The following TBC1D5 variants were observed in gnomAD, a reference collection of about 807,000 sequenced individuals.
TBC1D5 encodes TBC1 domain family, member 5.
TBC1D5 carries 75 observed loss-of-function variants against 100.3 expected under a neutral mutation model. The observed-to-expected ratio is 0.75, with a 90% CI of 0.62 to 0.91. The LOEUF is 0.91. TBC1D5 is among the 40% of genes least tolerant of loss of function. TBC1D5 has a pLI of 0.00. For missense variants in TBC1D5, 910 were observed against 942.4 expected, an observed-to-expected ratio of 0.97 and a Z score of 0.45; for synonymous variants, 323 against 325.6, an observed-to-expected ratio of 0.99 and a Z score of 0.09.
chr3:17,347,098 C>G (rs1169689650), intron 13 of TBC1D5, among the ~76,000 whole-genome samples: 1 of 151,986 alleles, frequency 6.6e-6, no homozygotes, highest in Non-Finnish European at 1.5e-5. Context: ...AGTTTTGTTT[C>G]TTTGGTTTAC....
chr3:17,473,957 A>C (rs2095409972), intron 3 of TBC1D5, among the ~76,000 whole-genome samples: 1 of 152,004 alleles, frequency 6.6e-6, no homozygotes, highest in African/African-American at 2.4e-5. Flanking sequence ...GTTGGAAAAA[A>C]CAGTACAGTA....
chr3:17,562,414 G>C (rs570395332), intron 2 of TBC1D5, among the ~76,000 whole-genome samples: 4 of 150,872 alleles, frequency 2.7e-5, no homozygotes, highest in African/African-American at 9.7e-5. Context: ...TTAAAAGGAA[G>C]ACAAAATTAT....
chr3:17,279,646 G>GT (rs1171709917), intron 15 of TBC1D5, among the ~76,000 whole-genome samples: 2 of 152,226 alleles, frequency 1.3e-5, no homozygotes, highest in African/African-American at 4.8e-5. Context: ...TAGGCTTCTG[G>GT]TTTTTTTAGG....
intron 15 of TBC1D5, among the ~76,000 whole-genome samples, chr3:17,280,073 T>C (rs985645080): frequency 6.6e-6 from 1 of 152,182 alleles, no homozygotes; most frequent in Non-Finnish European, 1.5e-5. Context: ...ACCCTGGAAA[T>C]ATCAGGGAAT....
chr3:17,603,940 C>T (rs975952962), intron 2 of TBC1D5, among the ~76,000 whole-genome samples: 4 of 152,064 alleles, frequency 2.6e-5, no homozygotes, highest in Non-Finnish European at 4.4e-5. Flanking sequence ...CCACCACGCC[C>T]GGCGCTATTC....
Position 17,508,473 on chromosome 3 carries a change from C to A in TBC1D5, c.97+1G>T, listed in dbSNP as rs2095867101. On this transcript the variant is annotated splice_donor_variant, in intron 3 of 21. Transcript: ENST00000253692. LOFTEE classifies it high-confidence loss of function. ...AAATAGTATTGGCATACAAAACTCACCTCCAGACTTGTTAGAGTAACTGGA... is the reference window on the plus strand; with the variant it reads ...AAATAGTATTGGCATACAAAACTCAACTCCAGACTTGTTAGAGTAACTGGA... 1.9e-6 allele frequency: 3 copies of A among 1,611,840 alleles called. No individual in the cohort carries two copies. Among genetic ancestry groups the A allele is most frequent in the African/African-American group, 2.7e-5 (2 of 74,884 alleles).
intron 13 of TBC1D5, among the ~76,000 whole-genome samples, chr3:17,329,739 C>T (rs1301286196): frequency 6.6e-6 from 1 of 152,270 alleles, no homozygotes; most frequent in East Asian, 1.9e-4. Flanking sequence ...TCCTTGGTCT[C>T]ACAGTCCCCA....
intron 1 of TBC1D5, among the ~76,000 whole-genome samples, chr3:17,651,447 G>T (rs1249702996): frequency 1.3e-5 from 2 of 152,110 alleles, no homozygotes; most frequent in Non-Finnish European, 2.9e-5. Flanking sequence ...TTAAGAGATG[G>T]TTTCAGCATC....
At chr3:17,417,244 GGTTA>G (rs1260600259) in intron 4 of TBC1D5, among the ~76,000 whole-genome samples, 2 of 151,832 alleles carry the variant, frequency 1.3e-5, no homozygotes, top group African/African-American at 4.8e-5. Context: ...ACAATGTGCA[GGTTA>G]GTTACATATA....
chr3:17,716,866 G>A (rs2075284438), intron 1 of TBC1D5, among the ~76,000 whole-genome samples: 1 of 151,748 alleles, frequency 6.6e-6, no homozygotes, highest in Non-Finnish European at 1.5e-5. Flanking sequence ...CTGAGTGTTT[G>A]TTCTTGATCA....
chr3:17,671,275 T>TG (rs2067904893), intron 1 of TBC1D5, among the ~76,000 whole-genome samples: 1 of 152,082 alleles, frequency 6.6e-6, no homozygotes, highest in Non-Finnish European at 1.5e-5. Context: ...AGTTTGAGGG[T>TG]GCTCGTGGAA....
At chr3:17,420,207 C>CA (rs1236284439) in intron 4 of TBC1D5, among the ~76,000 whole-genome samples, 305 of 128,798 alleles carry the variant, frequency 2.4e-3, no homozygotes, top group Middle Eastern at 4.0e-3. Context: ...CTCCCTTGAA[C>CA]AAAAAAAAAA....
chr3:17,406,284 A>C, intron 5 of TBC1D5, 134 bp downstream of exon 5: 1 of 703,640 alleles, frequency 1.4e-6, no homozygotes, highest in Non-Finnish European at 2.3e-6. Flanking sequence ...AAAGATAAAC[A>C]TAGATGGTCA....
At chr3:17,732,721 A>T (rs2076665529) in intron 1 of TBC1D5, among the ~76,000 whole-genome samples, 1 of 53,412 alleles carries the variant, frequency 1.9e-5, no homozygotes, top group Non-Finnish European at 3.9e-5. Flanking sequence ...CGTCTCAAAA[A>T]AATAAATAAA....
At chr3:17,660,082 A>T (rs1426162090) in intron 1 of TBC1D5, among the ~76,000 whole-genome samples, 2 of 152,182 alleles carry the variant, frequency 1.3e-5, no homozygotes, top group African/African-American at 4.8e-5. Flanking sequence ...GTGTCAGGCA[A>T]TATTTACAAT....
chr3:17,335,188 C>T (rs2087519667), intron 13 of TBC1D5, among the ~76,000 whole-genome samples: 1 of 151,990 alleles, frequency 6.6e-6, no homozygotes, highest in African/African-American at 2.4e-5. Flanking sequence ...TTATCTGACC[C>T]TAACTAACAG....
chr3:17,711,919 G>C (rs762165578), intron 1 of TBC1D5, among the ~76,000 whole-genome samples: 1 of 152,160 alleles, frequency 6.6e-6, no homozygotes, highest in Non-Finnish European at 1.5e-5. Context: ...CATTTTACAA[G>C]ATAATGCCAA....
rs2093768178 is a variant in TBC1D5 at position 17,406,318 on chromosome 3, G to C, written c.276+100C>G. 1.8e-5 allele frequency: 18 copies of C among 1,025,910 alleles called. No homozygotes were observed. The South Asian group carries it at 3.1e-4, about 17-fold the overall frequency. 63.6% of individuals were successfully genotyped at this position (1,025,910 alleles called of 1,614,324 possible). A position where few individuals can be genotyped will look rare whatever the true frequency, so the allele number is the denominator to read the frequency against. ...CAAAATAATGGGAGTGAAGTCTCTT[G>C]GAAAATTCAGTGATCCCCTGCATGG... On this transcript the variant is annotated intron_variant, in intron 5 of 21. Coordinates refer to ENST00000253692, the Ensembl canonical transcript of TBC1D5.
chr3:17,643,313 T>C (rs936768145), intron 1 of TBC1D5, among the ~76,000 whole-genome samples: 2 of 152,156 alleles, frequency 1.3e-5, no homozygotes, highest in African/African-American at 2.4e-5. Context: ...CAGATGTTAA[T>C]ATATCTTATT....
Sources: gnomAD v4.1 joint callset for allele counts (sites outside exome capture counted in the v4.1 genomes callset) on GRCh38, gnomAD v4.1.1 for gene constraint, MANE v1.5 for transcripts, NCBI Gene and HGNC (gene_info 2026-07-23, HGNC 2026-07-21) for gene names.